LGALS3: variants seen among roughly 807,000 people sequenced by gnomAD.
LGALS3 encodes the protein galectin-3.
LGALS3 carries 18 observed loss-of-function variants against 20.7 expected under a neutral mutation model. The ratio of observed to expected loss-of-function variants is 0.87; its 90% CI spans 0.60 to 1.29. The LOEUF (loss-of-function observed/expected upper bound fraction) is 1.29. LGALS3 is among the 50% of genes most tolerant of loss of function. The probability of loss-of-function intolerance (pLI) is 0.00; values close to 1 mark genes in which losing one functional copy is unlikely to be tolerated. For missense variants in LGALS3, 315 were observed against 314.7 expected, an observed-to-expected ratio of 1.00 and a Z score of -0.01; for synonymous variants, 112 against 119.6, an observed-to-expected ratio of 0.94 and a Z score of 0.42.
At chr14:55,137,652 T>C (rs1881449926) in intron 2 of LGALS3, 1 of 1,419,312 alleles carries the variant, frequency 7.0e-7, no homozygotes, top group Non-Finnish European at 9.2e-7. Flanking sequence ...GAGTGGACTC[T>C]GCCGGCAGGA....
At chr14:55,142,880 T>C in intron 5 of LGALS3, 131 bp downstream of exon 5, 1 of 652,224 alleles carries the variant, frequency 1.5e-6, no homozygotes, top group Non-Finnish European at 2.6e-6. Flanking sequence ...ATCTTCTCCC[T>C]GCCCAGGGGA....
intron 1 of LGALS3, among the ~76,000 whole-genome samples, chr14:55,135,560 G>GGTTTTTT (rs1555380241): frequency 4.7e-5 from 5 of 106,562 alleles, no homozygotes; most frequent in Admixed American, 1.1e-4. Context: ...ATATTTTATG[G>GGTTTTTT]TTTTTTTTTT....
At chr14:55,130,622 C>G (rs929984084) in intron 1 of LGALS3, among the ~76,000 whole-genome samples, 1 of 151,314 alleles carries the variant, frequency 6.6e-6, no homozygotes, top group Non-Finnish European at 1.5e-5. Context: ...TGCAACGGCA[C>G]TATCTCGGCT....
chr14:55,140,268 T>A lies in LGALS3; in HGVS notation c.343-7T>A. The A allele has an allele frequency of 6.3e-7, 1 of 1,598,624 alleles. No homozygotes were observed. The highest frequency in any genetic ancestry group is 8.6e-7 in the Non-Finnish European group (1 of 1,166,488). On this transcript the variant is annotated splice_polypyrimidine_tract_variant and splice_region_variant and intron_variant, in intron 3 of 5. Transcript: ENST00000254301. ...TTATTGACACATATGTACTTGTTAA[T>A]TCCCAGATTGTGCCTTATAACCTGC...
intron 4 of LGALS3, 94 bp downstream of exon 4, chr14:55,140,457 G>A (rs1566782789): frequency 2.9e-6 from 2 of 701,670 alleles, no homozygotes; most frequent in African/African-American, 1.8e-5. Context: ...CTGTCTTACA[G>A]TGCTATTTTG....
intron 2 of LGALS3, 52 bp downstream of exon 2, chr14:55,137,443 G>A (rs1459840647): frequency 6.2e-7 from 1 of 1,614,020 alleles, no homozygotes; most frequent in African/African-American, 1.3e-5. Flanking sequence ...CATGGTTGAG[G>A]GTTGGGGGTT....
chr14:55,135,560 GTTTTTTT>G (rs762172869), intron 1 of LGALS3, among the ~76,000 whole-genome samples: 3 of 106,560 alleles, frequency 2.8e-5, no homozygotes, highest in African/African-American at 1.3e-4. Context: ...ATATTTTATG[GTTTTTTT>G]TTTTTTTTTT....
chr14:55,137,929 C>G, intron 2 of LGALS3, 116 bp from the exon 3 acceptor site: 13 of 1,365,536 alleles, frequency 9.5e-6, no homozygotes, highest in Non-Finnish European at 1.2e-5. Flanking sequence ...TAATGATATG[C>G]ATGTAATGCC....
intron 5 of LGALS3, among the ~76,000 whole-genome samples, chr14:55,144,547 C>T (rs1881746007): frequency 6.6e-6 from 1 of 151,930 alleles, no homozygotes; most frequent in Non-Finnish European, 1.5e-5. Flanking sequence ...ACCTGAATAA[C>T]TTGGAATTTT....
intron 4 of LGALS3, 96 bp from the exon 5 acceptor site, chr14:55,142,488 A>T: frequency 1.0e-6 from 1 of 990,842 alleles, no homozygotes; most frequent in Non-Finnish European, 1.5e-6. Flanking sequence ...GTACTGTATT[A>T]TGAAATTATT....
chr14:55,134,667 G>A (rs1351942333), intron 1 of LGALS3, among the ~76,000 whole-genome samples: 1 of 152,158 alleles, frequency 6.6e-6, no homozygotes, highest in Non-Finnish European at 1.5e-5. Context: ...TGGGGAAGGA[G>A]GCACATGCAG....
At chr14:55,141,597 G>T (rs1396794509) in intron 4 of LGALS3, among the ~76,000 whole-genome samples, 1 of 152,062 alleles carries the variant, frequency 6.6e-6, no homozygotes, top group Non-Finnish European at 1.5e-5. Context: ...ATGGTTAATG[G>T]TAGTAAACTT....
intron 1 of LGALS3, among the ~76,000 whole-genome samples, chr14:55,130,888 A>T (rs1291360004): frequency 6.6e-6 from 1 of 152,110 alleles, no homozygotes; most frequent in Non-Finnish European, 1.5e-5. Context: ...TCAAGTTTAT[A>T]AACATTTCAT....
At chr14:55,130,070 C>A (rs1881181165) in intron 1 of LGALS3, among the ~76,000 whole-genome samples, 1 of 152,238 alleles carries the variant, frequency 6.6e-6, no homozygotes, top group Non-Finnish European at 1.5e-5. Context: ...TAAGCTTTTC[C>A]GAATCAAATG....
chr14:55,132,597 C>G (rs940716842), intron 1 of LGALS3, among the ~76,000 whole-genome samples: 1 of 151,496 alleles, frequency 6.6e-6, no homozygotes, highest in Admixed American at 6.6e-5. Context: ...TGAGATGGAG[C>G]CTCGCAGTCT....
chr14:55,137,678 G>A (rs1881451352), intron 2 of LGALS3: 1 of 1,409,096 alleles, frequency 7.1e-7, no homozygotes, highest in Non-Finnish European at 9.2e-7. Context: ...GAAATCCTCT[G>A]AGTAGCGGGA....
intron 3 of LGALS3, among the ~76,000 whole-genome samples, chr14:55,139,911 A>G (rs72716690): frequency 0.012 from 1,808 of 152,320 alleles, 15 homozygotes; most frequent in Middle Eastern, 0.027. Flanking sequence ...GCTTGCCCCC[A>G]GGAAGCAGAA....
At chr14:55,133,865 A>C (rs1881304064) in intron 1 of LGALS3, among the ~76,000 whole-genome samples, 1 of 152,192 alleles carries the variant, frequency 6.6e-6, no homozygotes, top group South Asian at 2.1e-4. Context: ...CAGCCTTTAA[A>C]CACATCTTAA....
rs558744736 is a variant in LGALS3, at chr14:55,135,148, C to A, written c.-4-2222C>A. 1.6e-4 allele frequency among the ~76,000 whole-genome samples: 24 copies of A among 151,454 alleles called. No individual in the cohort carries two copies. The South Asian group carries it at 1.7e-3, about 11-fold the overall frequency. The stretch of plus-strand genomic sequence containing the variant: ...TCCAGCCTGTGCAACAGAACAAGAC[C>A]CTGTCTAAAAAAAAAAAAGATGTGC... On this transcript the variant is annotated intron_variant, in intron 1 of 5. Transcript: ENST00000254301.
Sources: gnomAD v4.1 joint callset for allele counts (sites outside exome capture counted in the v4.1 genomes callset) on GRCh38, gnomAD v4.1.1 for gene constraint, MANE v1.5 for transcripts, NCBI Gene and HGNC (gene_info 2026-07-23, HGNC 2026-07-21) for gene names.